The following LIMK2 variants were observed in gnomAD, a reference collection of about 807,000 sequenced individuals.
The protein encoded by LIMK2 is LIM domain kinase 2.
In LIMK2, 35 loss-of-function variants were observed where a neutral mutation model predicts 75.7. The observed-to-expected ratio is 0.46, with a 90% CI of 0.35 to 0.61. The LOEUF is 0.61. Among genes scored for constraint, LIMK2 ranks in the 20% least tolerant of loss-of-function variants. The pLI is 0.00. For missense variants in LIMK2, 623 were observed against 831.0 expected (o/e 0.75, Z 3.08); for synonymous variants, 301 against 319.2 (o/e 0.94, Z 0.61).
rs775710676 is a variant in LIMK2, at chr22:31,259,130, G to A, written c.262G>A (p.Glu88Lys). Residue 88 changes from glutamate to lysine, a missense_variant, in exon 4 of 16, where the codon GAG (glutamate) becomes AAG (lysine). Physicochemically the swap from Glu to Lys is moderately conservative, Grantham distance 56. Coordinates refer to ENST00000331728, the MANE Select transcript of LIMK2 (RefSeq NM_005569.4). ...LMTGPFMVAG[E>K]FKYHPECFAC... The stretch of plus-strand genomic sequence containing the variant: ...CCCCACCTGCTCACAGGTGGCTGGG[G>A]AGTTCAAGTACCACCCAGAGTGCTT... 6.2e-7 allele frequency: 1 copy of A among 1,608,878 alleles called. No individual in the cohort carries two copies. The highest frequency in any genetic ancestry group is 1.1e-5 in the South Asian group (1 of 90,942).
chr22:31,255,687 A>G (rs973759479), intron 2 of LIMK2, among the ~76,000 whole-genome samples: 5 of 152,174 alleles, frequency 3.3e-5, no homozygotes, highest in Admixed American at 2.0e-4. Context: ...TCATAAGCTC[A>G]TGAAAGGTGA....
chr22:31,277,036 A>T (rs1377436397), intron 15 of LIMK2: 1 of 1,613,974 alleles, frequency 6.2e-7, no homozygotes, highest in East Asian at 2.2e-5. Context: ...TTCCAGGGTC[A>T]AGGAGCTGCT....
chr22:31,240,314 C>G (rs1001851583), intron 2 of LIMK2, among the ~76,000 whole-genome samples: 1 of 152,164 alleles, frequency 6.6e-6, no homozygotes, highest in Non-Finnish European at 1.5e-5. Flanking sequence ...CTGACTCTTG[C>G]AGAAGCACCG....
chr22:31,276,779 C>G (rs1261261182), intron 15 of LIMK2: 1 of 1,605,138 alleles, frequency 6.2e-7, no homozygotes. Flanking sequence ...GACCACGCAT[C>G]TACTTTCAGA....
Position 31,272,353 on chromosome 22 carries a change from G to A in LIMK2, c.1384-177G>A, listed in dbSNP as rs2048967291. The A allele has an allele frequency of 1.7e-5, 8 of 477,578 alleles. No homozygotes were observed. The South Asian group carries it at 3.2e-4, about 19-fold the overall frequency. 29.6% of individuals were successfully genotyped at this position (477,578 alleles called of 1,614,324 possible). A position where few individuals can be genotyped will look rare whatever the true frequency, so the allele number is the denominator to read the frequency against. ...GCCTCCCAAAGTTCTGGGATTACAG[G>A]TGGAAGCCACCGTGCCTGGCCTGAG... is the stretch of plus-strand genomic sequence containing the variant. On this transcript the variant is annotated intron_variant, in intron 12 of 15. Coordinates refer to ENST00000331728, the MANE Select transcript of LIMK2 (RefSeq NM_005569.4).
intron 1 of LIMK2, among the ~76,000 whole-genome samples, chr22:31,212,744 C>T (rs1000015860): frequency 8.5e-5 from 13 of 152,094 alleles, no homozygotes; most frequent in African/African-American, 3.1e-4. Flanking sequence ...TTGGAGGGAC[C>T]TGGCGGCCGC....
At chr22:31,257,083 G>A (rs1375055167) in intron 2 of LIMK2, among the ~76,000 whole-genome samples, 3 of 99,666 alleles carry the variant, frequency 3.0e-5, no homozygotes. Flanking sequence ...TTAGAGACGG[G>A]GTCTTACTAT....
At chr22:31,264,661 G>A (rs930789273) in intron 7 of LIMK2, among the ~76,000 whole-genome samples, 2 of 152,202 alleles carry the variant, frequency 1.3e-5, no homozygotes, top group South Asian at 2.1e-4. Flanking sequence ...GGTGGCTCAC[G>A]CCTGTAATCC....
chr22:31,250,062 T>C (rs1222210902), intron 2 of LIMK2, among the ~76,000 whole-genome samples: 1 of 152,114 alleles, frequency 6.6e-6, no homozygotes, highest in African/African-American at 2.4e-5. Context: ...CTTCTCCTAG[T>C]GGAGAGGAAA....
chr22:31,258,346 C>G lies in LIMK2; in HGVS notation c.172C>G (p.Leu58Val). 1 of 1,613,528 alleles carries G rather than the reference C, an allele frequency of 6.2e-7. No homozygotes were observed. Among genetic ancestry groups the G allele is most frequent in the Non-Finnish European group, 8.5e-7 (1 of 1,179,566 alleles). ...CTGGTACTATGAGAAGGATGGGAAG[C>G]TCTACTGCCCCAAGGACTACTGGGG... ...TNWYYEKDGK[L>V]YCPKDYWGKF... Residue 58 changes from leucine to valine, a missense_variant, in exon 3 of 16, where the codon CTC (leucine) becomes GTC (valine). Transcript: ENST00000331728.
intron 12 of LIMK2, 137 bp from the exon 13 acceptor site, chr22:31,272,393 A>T: frequency 1.2e-6 from 1 of 810,822 alleles, no homozygotes; most frequent in Non-Finnish European, 1.9e-6. Context: ...TCTATTTGAT[A>T]GAGCTTTCTG....
At chr22:31,271,800 C>G (rs2048960298) in intron 12 of LIMK2, among the ~76,000 whole-genome samples, 1 of 152,192 alleles carries the variant, frequency 6.6e-6, no homozygotes, top group Admixed American at 6.5e-5. Context: ...CCCAAGTCTC[C>G]CCATCTACTG....
intron 2 of LIMK2, 96 bp from the exon 3 acceptor site, chr22:31,258,195 C>A: frequency 7.8e-7 from 1 of 1,288,724 alleles, no homozygotes; most frequent in Non-Finnish European, 1.1e-6. Flanking sequence ...TCAAAGAGGA[C>A]TGTCCATTTT....
chr22:31,262,372 G>T lies in LIMK2; in HGVS notation c.657+133G>T. 1 of 839,034 alleles carries T rather than the reference G, an allele frequency of 1.2e-6. No individual in the cohort carries two copies. Among genetic ancestry groups the T allele is most frequent in the African/African-American group, 1.7e-5 (1 of 59,138 alleles). 52.0% of individuals were successfully genotyped at this position (839,034 alleles called of 1,614,324 possible). On this transcript the variant is annotated intron_variant, in intron 6 of 15. Coordinates refer to ENST00000331728, the MANE Select transcript of LIMK2 (RefSeq NM_005569.4). This position sits in a 1 kb window ranked among gnomAD's most constrained non-coding sequence, Gnocchi z 5.0. ...CTTAGCATTGAGCCTGTGACCACTG[G>T]TGACCTATTTCAGCGTAACAGGTTC...
intron 2 of LIMK2, among the ~76,000 whole-genome samples, chr22:31,240,570 C>G (rs2048616171): frequency 6.6e-6 from 1 of 152,032 alleles, no homozygotes; most frequent in Non-Finnish European, 1.5e-5. Flanking sequence ...ACTACAGGCG[C>G]ACACCCCCAC....
At chr22:31,266,657 T>A (rs929157449) in intron 8 of LIMK2, among the ~76,000 whole-genome samples, 5 of 152,110 alleles carry the variant, frequency 3.3e-5, no homozygotes, top group African/African-American at 1.2e-4. Flanking sequence ...GCCCCCAGAC[T>A]TCTGTTCACT....
At chr22:31,267,199 A>G in intron 9 of LIMK2, 129 bp downstream of exon 9, 1 of 598,648 alleles carries the variant, frequency 1.7e-6, no homozygotes, top group Non-Finnish European at 3.0e-6. Context: ...AAAGAGCCCT[A>G]GAGGAATATC....
intron 7 of LIMK2, among the ~76,000 whole-genome samples, chr22:31,265,314 C>T (rs1193051957): frequency 2.0e-5 from 3 of 151,286 alleles, no homozygotes; most frequent in Non-Finnish European, 4.4e-5. Flanking sequence ...CGCAGTGAGC[C>T]GAGATCGTGC....
chr22:31,226,088 T>A (rs2048475042), intron 2 of LIMK2, among the ~76,000 whole-genome samples: 1 of 152,236 alleles, frequency 6.6e-6, no homozygotes, highest in Admixed American at 6.5e-5. Flanking sequence ...TATCCCTCAC[T>A]TTATGGGTGA....
Sources: gnomAD v4.1 joint callset for allele counts (sites outside exome capture counted in the v4.1 genomes callset) on GRCh38, gnomAD v4.1.1 for gene constraint, Gnocchi (gnomAD v3.1) non-coding constraint, MANE v1.5 for transcripts, NCBI Gene and HGNC (gene_info 2026-07-23, HGNC 2026-07-21) for gene names.